The following DDX25 variants were observed in gnomAD, a reference collection of about 807,000 sequenced individuals.
DDX25 encodes the protein ATP-dependent RNA helicase DDX25.
In DDX25, 70 loss-of-function variants were observed where a neutral mutation model predicts 64.6. The ratio of observed to expected loss-of-function variants is 1.08; its 90% CI spans 0.89 to 1.32. The LOEUF is 1.32. DDX25 is among the 40% of genes most tolerant of loss of function. The pLI, the probability that DDX25 is intolerant of heterozygous loss-of-function variation, is 0.00. For missense variants in DDX25, 587 were observed against 604.4 expected (o/e 0.97, Z 0.30); for synonymous variants, 211 against 213.3 (o/e 0.99, Z 0.09).
At chr11:125,922,345 G>C (rs1303948594) in intron 11 of DDX25, 1 of 154,058 alleles carries the variant, frequency 6.5e-6, no homozygotes, top group African/African-American at 2.4e-5. Context: ...CTGTCCCCAG[G>C]GAAGTGCACA....
rs1237855080 is a variant in DDX25, at chr11:125,907,431, A to G, written c.312-765A>G. 2.6e-5 allele frequency among the ~76,000 whole-genome samples: 4 copies of G among 152,184 alleles called. No individual in the cohort carries two copies. The South Asian group carries it at 6.2e-4, about 24-fold the overall frequency. On this transcript the variant is annotated intron_variant, in intron 4 of 11. Transcript: ENST00000263576. Reference sequence around the variant, plus strand: ...AGACCATCCTGGCTAACACAGTGAAACCCCGTCTCTACTAAAAATACAAAA... The same window carrying G: ...AGACCATCCTGGCTAACACAGTGAAGCCCCGTCTCTACTAAAAATACAAAA...
In DDX25 at chr11:125,904,587, G is replaced by T; in HGVS notation, c.63+7G>T. On this transcript the variant is annotated splice_region_variant and intron_variant, in intron 1 of 11. Transcript: ENST00000263576. ...CGAGCGGCTGAACAGCCACGTAACC[G>T]CCACCGAGCCGGGGGGCCACAGCCG... 6.8e-7 allele frequency: 1 copy of T among 1,479,276 alleles called. No individual in the cohort carries two copies. 91.6% of individuals were successfully genotyped at this position (1,479,276 alleles called of 1,614,324 possible).
Position 125,908,253 on chromosome 11 carries a change from C to A in DDX25, c.369C>A (p.Ile123=). 1 of 1,613,516 alleles carries A rather than the reference C, an allele frequency of 6.2e-7. No homozygotes were observed. Among genetic ancestry groups the A allele is most frequent in the Non-Finnish European group, 8.5e-7 (1 of 1,179,652 alleles). Residue 123 remains isoleucine, a synonymous_variant, in exon 5 of 12, where the codon ATC becomes ATA. Coordinates refer to ENST00000263576, the MANE Select transcript of DDX25 (RefSeq NM_013264.5). ...YAMGFNRPSK[I]QEMALPMMLA... is the part of the protein sequence containing the mutation. ...TGGGATTTAATAGGCCATCTAAAATCCAAGAGATGGCTCTCCCTATGATGC... is the reference window on the plus strand; with the variant it reads ...TGGGATTTAATAGGCCATCTAAAATACAAGAGATGGCTCTCCCTATGATGC...
chr11:125,905,281 G>A lies in DDX25; in HGVS notation c.130+3G>A, dbSNP rs367864629. 3 of 1,551,632 alleles carry A rather than the reference G, an allele frequency of 1.9e-6. No individual in the cohort carries two copies. The highest frequency in any genetic ancestry group is 2.6e-6 in the Non-Finnish European group (3 of 1,146,960). ...GAGTACTGCAGTCCGAAACATAGGT[G>A]AGTGCTGTTAGGGCAAAGCAGAGCG... On this transcript the variant is annotated splice_donor_region_variant and intron_variant, in intron 2 of 11. Coordinates refer to ENST00000263576, the MANE Select transcript of DDX25 (RefSeq NM_013264.5).
chr11:125,917,203 C>T lies in DDX25; in HGVS notation c.990C>T (p.Cys330=), dbSNP rs756471581. 15 of 1,610,372 alleles carry T rather than the reference C, an allele frequency of 9.3e-6. No homozygotes were observed. In the Admixed American group the frequency reaches 1.5e-4, roughly 16 times the overall value. ...GGAAAGACAAATACCAAGCTCTGTGCAACATTTATGGCAGCATCACCATTG... is the reference window on the plus strand; with the variant it reads ...GGAAAGACAAATACCAAGCTCTGTGTAACATTTATGGCAGCATCACCATTG... ...EHRKDKYQAL[C]NIYGSITIGQ... Residue 330 remains cysteine, a synonymous_variant, in exon 9 of 12, where the codon TGC becomes TGT. Transcript: ENST00000263576.
chr11:125,916,321 C>T (rs1945035602), intron 8 of DDX25, among the ~76,000 whole-genome samples: 2 of 152,158 alleles, frequency 1.3e-5, no homozygotes, highest in African/African-American at 4.8e-5. Flanking sequence ...GCTCTTGTAA[C>T]AGCAGCCCAG....
chr11:125,922,574 C>T, intron 11 of DDX25: 1 of 400,994 alleles, frequency 2.5e-6, no homozygotes, highest in Non-Finnish European at 4.4e-6. Context: ...CAGTCCCTCC[C>T]AGGCTCTCCT....
rs1391732118 is a variant in DDX25, at chr11:125,925,136, G to A, written c.*2255G>A. On this transcript the variant is annotated 3_prime_UTR_variant, in exon 12 of 12. Transcript: ENST00000263576. ...CAGATACTTTGTTCTCTTACTATTC[G>A]AGAATCGAGTTGGACCTTCCACCGT... The A allele has an allele frequency of 4.4e-6, 1 of 226,882 alleles. No individual in the cohort carries two copies. Among genetic ancestry groups the A allele is most frequent in the Admixed American group, 5.1e-5 (1 of 19,778 alleles). The allele number at this position is 226,882 out of a possible 1,614,324, so 14.1% of individuals were successfully genotyped here. A position where few individuals can be genotyped will look rare whatever the true frequency, so the allele number is the denominator to read the frequency against.
At position 125,905,680 on chromosome 11, in the gene DDX25, C is replaced by T. The variant is rs982351854; in HGVS notation, c.175+83C>T. On this transcript the variant is annotated intron_variant, in intron 3 of 11. Coordinates refer to ENST00000263576, the MANE Select transcript of DDX25 (RefSeq NM_013264.5). Reference sequence around the variant, plus strand: ...TAATAGTGTGAGTGAATAATATAATCTCAATTGGAAAAGGCCTGTCTTTGC... The same window carrying T: ...TAATAGTGTGAGTGAATAATATAATTTCAATTGGAAAAGGCCTGTCTTTGC... 2.9e-6 allele frequency: 4 copies of T among 1,379,374 alleles called. No individual in the cohort carries two copies. In the African/African-American group the frequency reaches 5.8e-5, roughly 20 times the overall value. The allele number at this position is 1,379,374 out of a possible 1,614,324, so 85.4% of individuals were successfully genotyped here.
At chr11:125,905,345 G>A (rs978529369) in intron 2 of DDX25, 67 bp downstream of exon 2, 8 of 1,515,988 alleles carry the variant, frequency 5.3e-6, no homozygotes, top group African/African-American at 1.4e-5. Flanking sequence ...CTTTCATCAC[G>A]TCCCTGCCAA....
At chr11:125,915,332 AAATT>A (rs1347777156) in intron 8 of DDX25, among the ~76,000 whole-genome samples, 8 of 152,382 alleles carry the variant, frequency 5.2e-5, no homozygotes, top group Non-Finnish European at 8.8e-5. Flanking sequence ...GAAAGAGATG[AAATT>A]AATAAATATA....
chr11:125,923,090 C>A lies in DDX25; in HGVS notation c.*209C>A. 1.8e-6 allele frequency: 1 copy of A among 549,410 alleles called. No individual in the cohort carries two copies. The highest frequency in any genetic ancestry group is 3.2e-6 in the Non-Finnish European group (1 of 309,860). The allele number at this position is 549,410 out of a possible 1,614,324, so 34.0% of individuals were successfully genotyped here. Reference sequence around the variant, plus strand: ...GTGATCCTTTTGAATAAAAAAAAGGCAAGATTATTTCTTATTCTAATCTTT... The same window carrying A: ...GTGATCCTTTTGAATAAAAAAAAGGAAAGATTATTTCTTATTCTAATCTTT... On this transcript the variant is annotated 3_prime_UTR_variant, in exon 12 of 12. Transcript: ENST00000263576.
intron 9 of DDX25, among the ~76,000 whole-genome samples, chr11:125,917,877 GT>G (rs1436542310): frequency 6.6e-6 from 1 of 151,906 alleles, no homozygotes; most frequent in Non-Finnish European, 1.5e-5. Context: ...TTTTTAATTT[GT>G]TTTATTTTTT....
chr11:125,923,552 G>C lies in DDX25; in HGVS notation c.*671G>C, dbSNP rs1945140350. On this transcript the variant is annotated 3_prime_UTR_variant, in exon 12 of 12. Transcript: ENST00000263576. ...GTCTCTAAAAGTGTGGCTGTATTAT[G>C]GGCATTTCTTAAAAGCAGTCGGGAG... is the stretch of plus-strand genomic sequence containing the variant. The C allele has an allele frequency of 6.8e-6, 1 of 147,514 alleles. No individual in the cohort carries two copies. The highest frequency in any genetic ancestry group is 1.5e-5 in the Non-Finnish European group (1 of 67,346). The allele number at this position is 147,514 out of a possible 1,614,324, so 9.1% of individuals were successfully genotyped here.
intron 6 of DDX25, 37 bp from the exon 7 acceptor site, chr11:125,910,327 A>G (rs774290448): frequency 1.3e-6 from 2 of 1,565,110 alleles, no homozygotes; most frequent in South Asian, 2.2e-5. Flanking sequence ...TGCCTGTAAG[A>G]ACCTTTCTCC....
intron 6 of DDX25, among the ~76,000 whole-genome samples, chr11:125,910,066 CT>C (rs1944946920): frequency 6.6e-6 from 1 of 151,968 alleles, no homozygotes; most frequent in Non-Finnish European, 1.5e-5. Flanking sequence ...CTTCCCCCTC[CT>C]ATGCCTCCCC....
At chr11:125,904,208 G>T (rs998825914), upstream of DDX25, among the ~76,000 whole-genome samples, 2 of 152,042 alleles carry the variant, frequency 1.3e-5, no homozygotes, top group African/African-American at 4.8e-5. Flanking sequence ...GGGGCGGCGC[G>T]GGGGGCGCTC....
chr11:125,918,709 G>A lies in DDX25; in HGVS notation c.1120G>A (p.Val374Met), dbSNP rs747159948. The change falls in exon 10 of 12, where the codon GTG (valine) becomes ATG (methionine). Residue 374 changes from valine (V) to methionine (M), a missense_variant. Transcript: ENST00000263576. Reference sequence around the variant, plus strand: ...GTCTTTGTTAAGCGGGGAGCTGACCGTGGAGCAGCGAGCTTCCATCATTCA... The same window carrying A: ...GTCTTTGTTAAGCGGGGAGCTGACCATGGAGCAGCGAGCTTCCATCATTCA... The part of the protein sequence containing the change: ...QVSLLSGELT[V>M]EQRASIIQRF... 75 of 1,613,626 alleles carry A rather than the reference G, an allele frequency of 4.6e-5. No homozygotes were observed. The East Asian group carries it at 5.3e-4, about 12-fold the overall frequency.
In DDX25 at chr11:125,925,364, T is replaced by G. The variant is rs1167529723; in HGVS notation, c.*2483T>G. On this transcript the variant is annotated 3_prime_UTR_variant, in exon 12 of 12. Coordinates refer to ENST00000263576, the MANE Select transcript of DDX25 (RefSeq NM_013264.5). Reference sequence around the variant, plus strand: ...CCTCACGTCCCTTTGTCTCACCACCTAGGAGGCAGCAAAGCCATCCTGTGT... The same window carrying G: ...CCTCACGTCCCTTTGTCTCACCACCGAGGAGGCAGCAAAGCCATCCTGTGT... 1 of 455,890 alleles carries G rather than the reference T, an allele frequency of 2.2e-6. No homozygotes were observed. The highest frequency in any genetic ancestry group is 2.3e-5 in the Admixed American group (1 of 42,576). 28.2% of individuals were successfully genotyped at this position (455,890 alleles called of 1,614,324 possible).
Sources: allele counts gnomAD v4.1 joint callset (sites outside exome capture counted in the v4.1 genomes callset), GRCh38; gene constraint gnomAD v4.1.1; transcripts MANE v1.5; gene names NCBI Gene and HGNC (gene_info 2026-07-23, HGNC 2026-07-21).